The following PLA2R1 variants were observed in gnomAD, a reference collection of about 807,000 sequenced individuals.
PLA2R1 encodes phospholipase A2 receptor 1, also known as secretory phospholipase A2 receptor.
A neutral mutation model predicts 195.9 loss-of-function variants in PLA2R1; 158 were observed. The ratio of observed to expected loss-of-function variants is 0.81; its 90% confidence interval spans 0.71 to 0.92. The LOEUF (loss-of-function observed/expected upper bound fraction) is 0.92. Ranked by LOEUF, PLA2R1 falls within the 40% of genes least tolerant of loss-of-function variation. The pLI is 0.00. For missense variants in PLA2R1, 1,626 were observed against 1,764.6 expected (o/e 0.92, Z 1.41); for synonymous variants, 586 against 598.2 (o/e 0.98, Z 0.30).
chr2:160,049,279 G>A (rs1162151175), intron 1 of PLA2R1, among the ~76,000 whole-genome samples: 2 of 152,052 alleles, frequency 1.3e-5, no homozygotes, highest in African/African-American at 4.8e-5. Context: ...AAGATAACGT[G>A]TACTCTTCTA....
chr2:159,954,611 A>G (rs1428433292), intron 23 of PLA2R1, among the ~76,000 whole-genome samples: 1 of 152,026 alleles, frequency 6.6e-6, no homozygotes, highest in Non-Finnish European at 1.5e-5. Flanking sequence ...GGACAGGGAT[A>G]CCCAGCATTC....
intron 14 of PLA2R1, among the ~76,000 whole-genome samples, chr2:159,978,354 GT>G (rs1328929399): frequency 2.0e-5 from 3 of 152,132 alleles, no homozygotes; most frequent in Non-Finnish European, 4.4e-5. Context: ...AAAAAAGGAT[GT>G]TTTAAAATCC....
rs1446734027 is a variant in PLA2R1 at position 160,022,768 on chromosome 2, C to A, written c.1191G>T (p.Lys397Asn). Residue 397 changes from lysine to asparagine, a missense_variant, in exon 7 of 30, where the codon AAG becomes AAT. Transcript: ENST00000283243. Reference protein sequence around the residue: ...RNCYKLQKEEKTWHEALRSCQ... With the variant: ...RNCYKLQKEENTWHEALRSCQ... The stretch of plus-strand genomic sequence containing the variant: ...AAGAACGCAGAGCCTCATGCCAGGT[C>A]TTTTCTTCTTTCTGAAGTTTGTAGC... 1 of 1,613,540 alleles carries A rather than the reference C, an allele frequency of 6.2e-7. No individual in the cohort carries two copies.
the PLA2R1 span, among the ~76,000 whole-genome samples, chr2:159,925,966 G>T: frequency 6.6e-6 from 1 of 152,132 alleles, no homozygotes; most frequent in African/African-American, 2.4e-5. Flanking sequence ...CCTTTTTGGT[G>T]GGGGGAGGAA....
chr2:160,049,537 A>C (rs377319784), intron 1 of PLA2R1, among the ~76,000 whole-genome samples: 27 of 152,346 alleles, frequency 1.8e-4, no homozygotes, highest in African/African-American at 6.5e-4. Flanking sequence ...AGGGAGTTCC[A>C]TCAGTTCCAA....
downstream of PLA2R1, among the ~76,000 whole-genome samples, chr2:159,930,585 G>A (rs999014423): frequency 4.6e-5 from 7 of 152,174 alleles, no homozygotes; most frequent in African/African-American, 1.4e-4. Flanking sequence ...ACTCAAAGTC[G>A]GAGTCAGACT....
At chr2:159,998,599 T>A (rs1691386811) in intron 11 of PLA2R1, among the ~76,000 whole-genome samples, 1 of 152,166 alleles carries the variant, frequency 6.6e-6, no homozygotes, top group Non-Finnish European at 1.5e-5. Context: ...AGAGAAGAAG[T>A]GAAAACTCTT....
intron 1 of PLA2R1, among the ~76,000 whole-genome samples, chr2:160,045,910 G>C (rs1694832673): frequency 6.6e-6 from 1 of 152,140 alleles, no homozygotes; most frequent in Non-Finnish European, 1.5e-5. Context: ...TGGACAGGCG[G>C]AGAAAGCAGG....
At chr2:159,955,178 A>G (rs1368729740) in intron 23 of PLA2R1, 21 bp downstream of exon 23, 13 of 1,590,104 alleles carry the variant, frequency 8.2e-6, no homozygotes, top group African/African-American at 1.4e-5. Context: ...TGAAAGGAAT[A>G]AAAACCCAAA....
intron 3 of PLA2R1, among the ~76,000 whole-genome samples, chr2:160,040,497 G>C (rs1694459692): frequency 1.3e-5 from 2 of 152,122 alleles, no homozygotes; most frequent in South Asian, 4.1e-4. Flanking sequence ...TGAATTATCT[G>C]CACCGGGGTC....
At chr2:160,058,595 C>T (rs16844715) in intron 1 of PLA2R1, among the ~76,000 whole-genome samples, 47,191 of 152,156 alleles carry the variant, frequency 0.31, 9,185 homozygotes, top group Non-Finnish European at 0.42. Context: ...AATGACTATG[C>T]CCAGTTTTCA....
intron 13 of PLA2R1, among the ~76,000 whole-genome samples, chr2:159,982,821 T>A (rs1690049684): frequency 6.6e-6 from 1 of 152,206 alleles, no homozygotes; most frequent in Non-Finnish European, 1.5e-5. Context: ...GACTCTAGAT[T>A]TCCAGAGCCT....
At chr2:160,027,888 G>T (rs992569178) in intron 6 of PLA2R1, among the ~76,000 whole-genome samples, 5 of 152,022 alleles carry the variant, frequency 3.3e-5, no homozygotes, top group African/African-American at 7.2e-5. Flanking sequence ...AATTTCTAGG[G>T]GAACAATAAA....
chr2:160,011,604 A>C (rs753862653), intron 10 of PLA2R1, among the ~76,000 whole-genome samples: 1 of 152,256 alleles, frequency 6.6e-6, no homozygotes, highest in East Asian at 1.9e-4. Context: ...CATAAAAAAC[A>C]GGTGAAACAA....
chr2:160,044,036 A>AATGG (rs1265172518), intron 2 of PLA2R1, among the ~76,000 whole-genome samples: 26 of 152,090 alleles, frequency 1.7e-4, no homozygotes, highest in Admixed American at 1.2e-3. Flanking sequence ...ATGCGGGATG[A>AATGG]ATGGATGGAT....
intron 11 of PLA2R1, among the ~76,000 whole-genome samples, chr2:159,994,789 G>GA (rs371193018): frequency 6.0e-5 from 9 of 150,392 alleles, no homozygotes; most frequent in Admixed American, 2.0e-4. Context: ...ATACTAAGTT[G>GA]AAAAAAAAAT....
At chr2:159,959,417 C>T (rs1328393923) in intron 20 of PLA2R1, among the ~76,000 whole-genome samples, 1 of 152,128 alleles carries the variant, frequency 6.6e-6, no homozygotes, top group Non-Finnish European at 1.5e-5. Context: ...AAAAATATAA[C>T]ATATTTACTA....
At chr2:159,997,932 A>G (rs1691330522) in intron 11 of PLA2R1, among the ~76,000 whole-genome samples, 1 of 152,160 alleles carries the variant, frequency 6.6e-6, no homozygotes, top group South Asian at 2.1e-4. Flanking sequence ...GTTTTAAACC[A>G]TGTATTTAAC....
intron 11 of PLA2R1, among the ~76,000 whole-genome samples, chr2:159,995,695 C>CA (rs1182691734): frequency 6.6e-5 from 10 of 151,904 alleles, no homozygotes; most frequent in Admixed American, 3.9e-4. Context: ...TGTTTATATA[C>CA]AAAAAAATCT....
Sources: allele counts gnomAD v4.1 joint callset (sites outside exome capture counted in the v4.1 genomes callset), GRCh38; gene constraint gnomAD v4.1.1; transcripts MANE v1.5; gene names NCBI Gene and HGNC (gene_info 2026-07-23, HGNC 2026-07-21).